Variants in MECR observed in about 807,000 individuals in gnomAD.
The protein encoded by MECR is mitochondrial trans-2-enoyl-CoA reductase.
MECR carries 37 observed loss-of-function variants against 49.1 expected under a neutral mutation model. The ratio of observed to expected loss-of-function variants is 0.75; its 90% CI spans 0.58 to 0.99. MECR has a LOEUF of 0.99. MECR is among the 50% of genes least tolerant of loss of function. The pLI is 0.00. For synonymous variants in MECR, 198 were observed against 191.1 expected (o/e 1.04, Z -0.30); for missense variants, 470 against 479.6 (o/e 0.98, Z 0.19).
chr1:29,188,160 A>C (rs1300154162), downstream of MECR, among the ~76,000 whole-genome samples: 2 of 148,936 alleles, frequency 1.3e-5, no homozygotes, highest in Admixed American at 1.3e-4. Flanking sequence ...CCAGATCTTG[A>C]GGGGCCTCAA....
the MECR span, among the ~76,000 whole-genome samples, chr1:29,177,704 A>G: frequency 4.6e-5 from 7 of 152,098 alleles, no homozygotes; most frequent in African/African-American, 1.4e-4. Context: ...CCATCTTTCA[A>G]AAAGTTCTCT....
rs1296005560 is a variant in MECR, at chr1:29,201,412, G to T, written c.756+531C>A. 1.9e-6 allele frequency: 1 copy of T among 532,764 alleles called. No homozygotes were observed. The highest frequency in any genetic ancestry group is 3.9e-6 in the Non-Finnish European group (1 of 259,738). The allele number at this position is 532,764 out of a possible 1,614,324, so 33.0% of individuals were successfully genotyped here. A position where few individuals can be genotyped will look rare whatever the true frequency, so the allele number is the denominator to read the frequency against. On this transcript the variant is annotated intron_variant, in intron 6 of 9. Transcript: ENST00000263702. This position sits in a 1 kb window ranked among gnomAD's most constrained non-coding sequence, Gnocchi z 4.3. ...GGGTGGAGGTTCTGGAAGGTTAAGAGGCTTTGAGTTCGGAGAGACTGAGGC... is the reference window on the plus strand; with the variant it reads ...GGGTGGAGGTTCTGGAAGGTTAAGATGCTTTGAGTTCGGAGAGACTGAGGC...
the MECR span, chr1:29,171,814 C>A: frequency 1.3e-5 from 2 of 152,150 alleles, no homozygotes; most frequent in South Asian, 2.1e-4. Flanking sequence ...ACAAATACTT[C>A]GTATGGCCCT....
intron 3 of MECR, among the ~76,000 whole-genome samples, chr1:29,212,208 C>G (rs548037509): frequency 1.3e-5 from 2 of 152,326 alleles, no homozygotes; most frequent in Admixed American, 1.3e-4. Flanking sequence ...CACCTGAGGT[C>G]AGGAGTTCAA....
At chr1:29,182,249 A>C in the MECR span, among the ~76,000 whole-genome samples, 1 of 152,264 alleles carries the variant, frequency 6.6e-6, no homozygotes, top group South Asian at 2.1e-4. Flanking sequence ...CCTAGCTTCC[A>C]AACGATTGTG....
At chr1:29,191,716 T>C (rs1418646803), downstream of MECR, among the ~76,000 whole-genome samples, 1 of 152,244 alleles carries the variant, frequency 6.6e-6, no homozygotes, top group Non-Finnish European at 1.5e-5. Context: ...AGGCTGAAGC[T>C]GAGTCCTTTT....
At chr1:29,225,687 G>C (rs1192746695) in intron 1 of MECR, among the ~76,000 whole-genome samples, 1 of 152,116 alleles carries the variant, frequency 6.6e-6, no homozygotes. Context: ...TCTAAACAGA[G>C]CACCAAACCC....
At chr1:29,215,888 T>TA (rs947457725) in intron 3 of MECR, 117 bp downstream of exon 3, 52 of 1,213,280 alleles carry the variant, frequency 4.3e-5, no homozygotes, top group African/African-American at 3.6e-4. Context: ...AATAAATAAA[T>TA]AAAAAAAATA....
At position 29,227,614 on chromosome 1, in the gene MECR, C is replaced by T. The variant is rs188367239; in HGVS notation, c.176+3117G>A. On this transcript the variant is annotated intron_variant, in intron 1 of 9. Transcript: ENST00000263702. The stretch of plus-strand genomic sequence containing the variant: ...AAGGCTGTTCCTCATTCCTTCCCTC[C>T]TGCTTGCAGAGGTGTGGCCCACAGC... Among the ~76,000 whole-genome samples the T allele has an allele frequency of 4.0e-3, 607 of 152,250 alleles. 12 individuals carry two copies. The highest frequency in any genetic ancestry group is 3.4e-3 in the Middle Eastern group (1 of 294).
At chr1:29,190,010 T>A (rs755018528), downstream of MECR, among the ~76,000 whole-genome samples, 1 of 152,214 alleles carries the variant, frequency 6.6e-6, no homozygotes, top group Admixed American at 6.5e-5. Flanking sequence ...TTATTTCTCA[T>A]GTAAAACAAG....
At chr1:29,192,417 G>A (rs951881610), downstream of MECR, among the ~76,000 whole-genome samples, 1 of 152,094 alleles carries the variant, frequency 6.6e-6, no homozygotes, top group Non-Finnish European at 1.5e-5. Flanking sequence ...TGATGCCCTC[G>A]GGCAGAACTG....
intron 2 of MECR, 134 bp from the exon 3 acceptor site, chr1:29,216,270 AGCTTGCTTGTCTG>A: frequency 9.8e-7 from 1 of 1,017,778 alleles, no homozygotes. Context: ...TCTGAGCCTT[AGCTTGCTTGTCTG>A]TATAGGGGGA....
intron 1 of MECR, among the ~76,000 whole-genome samples, chr1:29,226,144 G>T (rs1015953322): frequency 2.2e-5 from 3 of 138,988 alleles, no homozygotes; most frequent in African/African-American, 8.1e-5. Flanking sequence ...ACTCCAGCCT[G>T]GGGGACAGAG....
chr1:29,199,101 C>T (rs955473606), intron 7 of MECR, among the ~76,000 whole-genome samples: 1 of 152,220 alleles, frequency 6.6e-6, no homozygotes, highest in Non-Finnish European at 1.5e-5. Flanking sequence ...ACATCAGTGT[C>T]GCAGCCCTCT....
chr1:29,193,700 G>T lies in MECR; in HGVS notation c.*322C>A, dbSNP rs769097699. The T allele has an allele frequency of 1.9e-4, 53 of 273,624 alleles. No homozygotes were observed. Among genetic ancestry groups the T allele is most frequent in the Non-Finnish European group, 2.9e-4 (41 of 142,708 alleles). The allele number at this position is 273,624 out of a possible 1,614,324, so 16.9% of individuals were successfully genotyped here. A position where few individuals can be genotyped will look rare whatever the true frequency, so the allele number is the denominator to read the frequency against. ...TACCCACCCAGGCTTTGCTTTCAGG[G>T]TGGTCAGAAAATGATTACTGGGGGA... On this transcript the variant is annotated 3_prime_UTR_variant, in exon 10 of 10. Transcript: ENST00000263702.
chr1:29,199,208 A>G (rs1251859409), intron 7 of MECR, among the ~76,000 whole-genome samples: 1 of 152,118 alleles, frequency 6.6e-6, no homozygotes, highest in Non-Finnish European at 1.5e-5. Flanking sequence ...GTCTTTTTAC[A>G]CACACTCTAG....
At chr1:29,220,818 G>A in intron 1 of MECR, 1 of 707,036 alleles carries the variant, frequency 1.4e-6, no homozygotes, top group Non-Finnish European at 1.7e-6. Context: ...TGTATGTAAA[G>A]CATTTATGGT....
In MECR at chr1:29,217,367, G is replaced by A. The variant is rs1187963537; in HGVS notation, c.177-682C>T. ...TGGGACTAGAGGTGCCTGCCACCAC[G>A]CCCGGCTAATTTTATTTATTTATTT... On this transcript the variant is annotated intron_variant, in intron 1 of 9. Coordinates refer to ENST00000263702, the MANE Select transcript of MECR (RefSeq NM_016011.5). Among the ~76,000 whole-genome samples, 3 of 148,710 alleles carry A rather than the reference G, an allele frequency of 2.0e-5. No individual in the cohort carries two copies. In the East Asian group the frequency reaches 7.0e-4, roughly 35 times the overall value.
intron 1 of MECR, among the ~76,000 whole-genome samples, chr1:29,226,789 C>A (rs1682173248): frequency 6.6e-6 from 1 of 151,906 alleles, no homozygotes; most frequent in African/African-American, 2.4e-5. Context: ...GATTTTAAAA[C>A]CCCGTAATAT....
Sources: allele counts gnomAD v4.1 joint callset (sites outside exome capture counted in the v4.1 genomes callset), GRCh38; gene constraint gnomAD v4.1.1; non-coding constraint Gnocchi (gnomAD v3.1); transcripts MANE v1.5; gene names NCBI Gene and HGNC (gene_info 2026-07-23, HGNC 2026-07-21).